The following PSME4 variants were observed in gnomAD, a reference collection of about 807,000 sequenced individuals.
The protein encoded by PSME4 is proteasome activator complex subunit 4.
A neutral mutation model predicts 253.9 loss-of-function variants in PSME4; 89 were observed. The observed-to-expected ratio is 0.35, with a 90% confidence interval of 0.30 to 0.42. The LOEUF is 0.42. PSME4 is among the 10% of genes least tolerant of loss of function. PSME4 has a pLI of 1.00. For missense variants in PSME4, 2,014 were observed against 2,195.2 expected, an observed-to-expected ratio of 0.92 and a Z score of 1.65; for synonymous variants, 851 against 759.2, an observed-to-expected ratio of 1.12 and a Z score of -1.99.
chr2:53,950,485 T>C (rs181023932), intron 1 of PSME4, among the ~76,000 whole-genome samples: 16 of 152,334 alleles, frequency 1.1e-4, no homozygotes, highest in African/African-American at 3.8e-4. Flanking sequence ...CAAAATTACA[T>C]TTTTAATTTC....
At chr2:53,956,660 C>T (rs1025054108) in intron 1 of PSME4, among the ~76,000 whole-genome samples, 1 of 151,826 alleles carries the variant, frequency 6.6e-6, no homozygotes, top group African/African-American at 2.4e-5. Flanking sequence ...GCAACGTCCG[C>T]CTCCCAAGTT....
chr2:53,873,320 T>C (rs1573190630), intron 43 of PSME4, among the ~76,000 whole-genome samples: 1 of 150,618 alleles, frequency 6.6e-6, no homozygotes, highest in East Asian at 1.9e-4. Context: ...TCTCAGAATA[T>C]AAGAAATATA....
intron 45 of PSME4, 41 bp downstream of exon 45, chr2:53,866,706 C>CACTGATAATACACGTACAA: frequency 6.4e-7 from 1 of 1,571,052 alleles, no homozygotes; most frequent in Non-Finnish European, 8.7e-7. Flanking sequence ...TAGAAAACAT[C>CACTGATAATACACGTACAA]ACTGATAATA....
Position 53,906,714 on chromosome 2 carries a change from A to G in PSME4, c.2848-21T>C, listed in dbSNP as rs372240103. On this transcript the variant is annotated intron_variant, in intron 25 of 46. Coordinates refer to ENST00000404125, the MANE Select transcript of PSME4 (RefSeq NM_014614.3). ...CGTAGCTAAGAAAACAATCGCAAACATTTACTAAAATTTGATTATGAAAAC... is the reference window on the plus strand; with the variant it reads ...CGTAGCTAAGAAAACAATCGCAAACGTTTACTAAAATTTGATTATGAAAAC... 1.6e-5 allele frequency: 25 copies of G among 1,593,658 alleles called. No homozygotes were observed. In the African/African-American group the frequency reaches 3.1e-4, roughly 20 times the overall value.
In PSME4 at chr2:53,895,701, C is replaced by A; in HGVS notation, c.3724G>T (p.Asp1242Tyr). 6.2e-7 allele frequency: 1 copy of A among 1,612,224 alleles called. No individual in the cohort carries two copies. The highest frequency in any genetic ancestry group is 8.5e-7 in the Non-Finnish European group (1 of 1,179,366). ...CPKPTQIIAG[D>Y]RPDNHWLHYD... ...TGCAACCAATGATTATCAGGCCTAT[C>A]ACCAGCAATAATTTGGGTGGGTTTA... is the stretch of plus-strand genomic sequence containing the variant. The change falls in exon 33 of 47, where the codon GAT becomes TAT. Residue 1242 changes from aspartate to tyrosine, a missense_variant. Physicochemically the swap from Asp to Tyr is radical, Grantham distance 160 (BLOSUM62 -3). Transcript: ENST00000404125.
chr2:53,884,338 G>C (rs1396747701), intron 41 of PSME4, among the ~76,000 whole-genome samples: 1 of 152,162 alleles, frequency 6.6e-6, no homozygotes, highest in African/African-American at 2.4e-5. Context: ...AGCCTCCCGA[G>C]TAGCTGGGAC....
rs1444312383 is a variant in PSME4, at chr2:53,871,739, G to A, written c.5101-2201C>T. Among the ~76,000 whole-genome samples, 30 of 152,090 alleles carry A rather than the reference G, an allele frequency of 2.0e-4. 1 individual carries two copies. Among genetic ancestry groups the A allele is most frequent in the Non-Finnish European group, 1.5e-5 (1 of 68,028 alleles). On this transcript the variant is annotated intron_variant, in intron 43 of 46. Transcript: ENST00000404125. ...AAAGCCGGAGGTGGTGATTGGCAGG[G>A]CATGGTGGCTCACGCCTGTATCCTA...
chr2:53,894,932 A>T, intron 34 of PSME4, 75 bp downstream of exon 34: 1 of 1,264,758 alleles, frequency 7.9e-7, no homozygotes, highest in Non-Finnish European at 1.1e-6. Context: ...GAAGAAGAAG[A>T]ACTGAAGTGA....
chr2:53,918,377 A>C (rs1668150629), intron 20 of PSME4, among the ~76,000 whole-genome samples: 1 of 152,182 alleles, frequency 6.6e-6, no homozygotes, highest in South Asian at 2.1e-4. Context: ...TTTTTGAGAC[A>C]GGGTCTCACT....
intron 42 of PSME4, among the ~76,000 whole-genome samples, chr2:53,875,031 T>C (rs1182476902): frequency 6.6e-6 from 1 of 152,200 alleles, no homozygotes; most frequent in African/African-American, 2.4e-5. Flanking sequence ...CCTCTGAGGA[T>C]GGCACATTAT....
chr2:53,927,973 CTG>C (rs1386795815), intron 11 of PSME4, 142 bp downstream of exon 11: 1 of 625,114 alleles, frequency 1.6e-6, no homozygotes, highest in African/African-American at 1.8e-5. Flanking sequence ...AAATAAACAA[CTG>C]TTACTTTAAT....
intron 3 of PSME4, among the ~76,000 whole-genome samples, chr2:53,943,549 G>A (rs957706318): frequency 6.6e-6 from 1 of 152,046 alleles, no homozygotes; most frequent in African/African-American, 2.4e-5. Flanking sequence ...CATAAAGAAA[G>A]GTATAAATAC....
Position 53,897,251 on chromosome 2 carries a change from C to A in PSME4, c.3607-366G>T, listed in dbSNP as rs184076862. On this transcript the variant is annotated intron_variant, in intron 31 of 46. Transcript: ENST00000404125. ...ATGGCACAATCTCAGCTCACTGCAA[C>A]CTCCCCCTCCCGGGTTCAAGCGATT... Among the ~76,000 whole-genome samples, 160 of 147,964 alleles carry A rather than the reference C, an allele frequency of 1.1e-3. 1 individual carries two copies. Among genetic ancestry groups the A allele is most frequent in the African/African-American group, 3.8e-3 (155 of 40,378 alleles).
At chr2:53,901,936 A>T (rs1680418464) in intron 27 of PSME4, among the ~76,000 whole-genome samples, 1 of 152,136 alleles carries the variant, frequency 6.6e-6, no homozygotes, top group African/African-American at 2.4e-5. Context: ...GCATGGTGGC[A>T]CACACCTGTG....
At chr2:53,894,159 T>C (rs1680036801) in intron 34 of PSME4, among the ~76,000 whole-genome samples, 2 of 152,208 alleles carry the variant, frequency 1.3e-5, no homozygotes. Context: ...CACTTCCATA[T>C]TTACCTAACA....
At position 53,913,102 on chromosome 2, in the gene PSME4, G is replaced by A. The variant is rs191760512; in HGVS notation, c.2517-2972C>T. ...AAACCATAGTATCATTTAACCTAAG[G>A]AACAATACAATTCAAAAAAATAATT... is the stretch of plus-strand genomic sequence containing the variant. On this transcript the variant is annotated intron_variant, in intron 20 of 46. Coordinates refer to ENST00000404125, the MANE Select transcript of PSME4 (RefSeq NM_014614.3). 9.3e-4 allele frequency among the ~76,000 whole-genome samples: 141 copies of A among 151,966 alleles called. 1 individual carries two copies. Among genetic ancestry groups the A allele is most frequent in the African/African-American group, 3.1e-3 (129 of 41,432 alleles).
In PSME4 at chr2:53,875,611, T is replaced by C. The variant is rs770282751; in HGVS notation, c.4944+16A>G. ...AAATCCTAATCAAAAGACATAAATATTATAAACACTCTTACTTGTTTTAGC... is the reference window on the plus strand; with the variant it reads ...AAATCCTAATCAAAAGACATAAATACTATAAACACTCTTACTTGTTTTAGC... On this transcript the variant is annotated intron_variant, in intron 42 of 46. Coordinates refer to ENST00000404125, the MANE Select transcript of PSME4 (RefSeq NM_014614.3). 1 of 1,595,516 alleles carries C rather than the reference T, an allele frequency of 6.3e-7. No individual in the cohort carries two copies. The highest frequency in any genetic ancestry group is 8.5e-7 in the Non-Finnish European group (1 of 1,173,748).
At chr2:53,914,205 C>A (rs576929661) in intron 20 of PSME4, among the ~76,000 whole-genome samples, 1 of 152,204 alleles carries the variant, frequency 6.6e-6, no homozygotes, top group South Asian at 2.1e-4. Flanking sequence ...TAGTTTTTTG[C>A]ATCCTGTGAT....
rs144766267 is a variant in PSME4 at position 53,931,707 on chromosome 2, C to T, written c.1316+128G>A. 4.7e-4 allele frequency: 475 copies of T among 1,003,272 alleles called. 2 individuals carry two copies. In the African/African-American group the frequency reaches 6.6e-3, roughly 14 times the overall value. The allele number at this position is 1,003,272 out of a possible 1,614,324, so 62.1% of individuals were successfully genotyped here. On this transcript the variant is annotated intron_variant, in intron 10 of 46. Transcript: ENST00000404125. ...CCAATCATTACATTAAAATGTCCTG[C>T]TTCTCCTCTAGGAACAGGAATAAGC... is the stretch of plus-strand genomic sequence containing the variant.
Sources: gnomAD v4.1 joint callset for allele counts (sites outside exome capture counted in the v4.1 genomes callset) on GRCh38, gnomAD v4.1.1 for gene constraint, MANE v1.5 for transcripts, NCBI Gene and HGNC (gene_info 2026-07-23, HGNC 2026-07-21) for gene names.